Variants in CHRM3 observed in about 807,000 individuals in gnomAD.
CHRM3 encodes the protein cholinergic receptor muscarinic 3, also known as muscarinic acetylcholine receptor M3.
In CHRM3, 11 loss-of-function variants were observed where a neutral mutation model predicts 41.8. The ratio of observed to expected loss-of-function variants is 0.26; its 90% CI spans 0.17 to 0.44. CHRM3 has a LOEUF of 0.44. Among genes scored for constraint, CHRM3 ranks in the 20% least tolerant of loss-of-function variants. The probability of loss-of-function intolerance (pLI) is 1.00; values close to 1 mark genes in which losing one functional copy is unlikely to be tolerated. For missense variants in CHRM3, 571 were observed against 745.4 expected (o/e 0.77, Z 2.72); for synonymous variants, 297 against 301.4 (o/e 0.99, Z 0.15).
intron 1 of CHRM3, among the ~76,000 whole-genome samples, chr1:239,439,886 C>T (rs529761948): frequency 3.3e-5 from 5 of 152,036 alleles, no homozygotes; most frequent in South Asian, 2.1e-4. Flanking sequence ...AGAAGATGGT[C>T]GATATCAGGA....
At position 239,479,190 on chromosome 1, in the gene CHRM3, CCACACACACACACACA is replaced by C. The variant is rs56202845; in HGVS notation, c.-520-13494_-520-13479del. Among the ~76,000 whole-genome samples, 177 of 139,988 alleles carry C rather than the reference CCACACACACACACACA, an allele frequency of 1.3e-3. 1 individual carries two copies. Among genetic ancestry groups the C allele is most frequent in the African/African-American group, 4.4e-3 (162 of 37,096 alleles). 91.8% of individuals were successfully genotyped at this position (139,988 alleles called of 152,430 possible). A position where few individuals can be genotyped will look rare whatever the true frequency, so the allele number is the denominator to read the frequency against. On this transcript the variant is annotated intron_variant, in intron 1 of 6. Coordinates refer to ENST00000676153, the MANE Select transcript of CHRM3 (RefSeq NM_001375978.1). ...CAGAGTGAAACTCCATTTCAAAAAA[CCACACACACACACACA>C]CACACACACACACACACACACACAG...
At chr1:239,825,974 T>G (rs1035976730) in intron 5 of CHRM3, among the ~76,000 whole-genome samples, 1 of 152,204 alleles carries the variant, frequency 6.6e-6, no homozygotes, top group African/African-American at 2.4e-5. Flanking sequence ...AAATACTATA[T>G]GATACCATTT....
chr1:239,654,966 A>G (rs998796472), intron 4 of CHRM3, among the ~76,000 whole-genome samples: 2 of 152,256 alleles, frequency 1.3e-5, no homozygotes, highest in Admixed American at 1.3e-4. Flanking sequence ...CCACAATATT[A>G]TAAGAAAATA....
chr1:239,633,112 A>G (rs1670043466), intron 4 of CHRM3, among the ~76,000 whole-genome samples: 1 of 152,166 alleles, frequency 6.6e-6, no homozygotes, highest in Non-Finnish European at 1.5e-5. Context: ...AGCTGGGACT[A>G]CAAGCGCTGC....
chr1:239,388,878 A>T (rs2102900377), intron 1 of CHRM3, among the ~76,000 whole-genome samples: 1 of 152,334 alleles, frequency 6.6e-6, no homozygotes, highest in South Asian at 2.1e-4. Context: ...CAATTAGCTT[A>T]ATACATAATT....
chr1:239,511,136 G>A (rs949195689), intron 2 of CHRM3, among the ~76,000 whole-genome samples: 2 of 152,190 alleles, frequency 1.3e-5, no homozygotes, highest in Admixed American at 6.5e-5. Flanking sequence ...ATTCATGTAC[G>A]TTAAGTCAAG....
intron 3 of CHRM3, among the ~76,000 whole-genome samples, chr1:239,552,408 T>G (rs1176502776): frequency 1.4e-5 from 2 of 147,546 alleles, no homozygotes; most frequent in African/African-American, 4.9e-5. Context: ...ATTTTATATA[T>G]GTATAGATGG....
intron 6 of CHRM3, among the ~76,000 whole-genome samples, chr1:239,897,146 G>A (rs865836992): frequency 6.6e-6 from 1 of 152,200 alleles, no homozygotes; most frequent in African/African-American, 2.4e-5. Flanking sequence ...CAGGTTGTTA[G>A]GCGTTTAATG....
At chr1:239,505,235 A>T (rs569494259) in intron 2 of CHRM3, among the ~76,000 whole-genome samples, 36 of 151,032 alleles carry the variant, frequency 2.4e-4, no homozygotes, top group Admixed American at 6.6e-4. Flanking sequence ...TGCTTGAGGC[A>T]TATTGTTCAG....
intron 4 of CHRM3, among the ~76,000 whole-genome samples, chr1:239,645,039 C>G: frequency 6.6e-6 from 1 of 152,210 alleles, no homozygotes; most frequent in Non-Finnish European, 1.5e-5. Context: ...CTCACAGCCC[C>G]TTGTCTGTGA....
intron 1 of CHRM3, among the ~76,000 whole-genome samples, chr1:239,390,297 G>A (rs1658915155): frequency 6.6e-6 from 1 of 152,256 alleles, no homozygotes; most frequent in Non-Finnish European, 1.5e-5. Context: ...AGTTCAGCAA[G>A]TCCAGCAGAA....
intron 2 of CHRM3, among the ~76,000 whole-genome samples, chr1:239,544,497 A>G (rs1229264214): frequency 6.6e-6 from 1 of 152,198 alleles, no homozygotes; most frequent in Non-Finnish European, 1.5e-5. Flanking sequence ...AATATATTTG[A>G]ACTTCATTCA....
At chr1:239,635,436 T>C (rs1670361703) in intron 4 of CHRM3, among the ~76,000 whole-genome samples, 1 of 152,240 alleles carries the variant, frequency 6.6e-6, no homozygotes, top group Non-Finnish European at 1.5e-5. Context: ...ATTTATTGAA[T>C]ATTTCTCTTT....
intron 5 of CHRM3, among the ~76,000 whole-genome samples, chr1:239,758,471 A>G (rs887457890): frequency 6.6e-6 from 1 of 152,206 alleles, no homozygotes; most frequent in African/African-American, 2.4e-5. Context: ...GCAGCAGCAC[A>G]TTTACATGAA....
intron 1 of CHRM3, among the ~76,000 whole-genome samples, chr1:239,456,213 A>C (rs2103356899): frequency 6.6e-6 from 1 of 152,330 alleles, no homozygotes; most frequent in Non-Finnish European, 1.5e-5. Flanking sequence ...TTCTATGATT[A>C]TTCAAAAACA....
chr1:239,808,485 T>C (rs1317644152), intron 5 of CHRM3, among the ~76,000 whole-genome samples: 1 of 152,124 alleles, frequency 6.6e-6, no homozygotes, highest in Admixed American at 6.5e-5. Flanking sequence ...TGTGAACTGT[T>C]TTCACTCCTG....
At chr1:239,495,154 T>C (rs1409820508) in intron 2 of CHRM3, among the ~76,000 whole-genome samples, 1 of 152,178 alleles carries the variant, frequency 6.6e-6, no homozygotes, top group Non-Finnish European at 1.5e-5. Flanking sequence ...CTTTTCAAAA[T>C]TCACATATTG....
intron 5 of CHRM3, among the ~76,000 whole-genome samples, chr1:239,790,394 G>A (rs140707047): frequency 2.4e-4 from 37 of 152,182 alleles, no homozygotes; most frequent in East Asian, 2.3e-3. Context: ...TAATCATGGG[G>A]GAAGTTTCCC....
intron 1 of CHRM3, among the ~76,000 whole-genome samples, chr1:239,414,932 T>C (rs1661379555): frequency 6.6e-6 from 1 of 152,198 alleles, no homozygotes; most frequent in African/African-American, 2.4e-5. Flanking sequence ...TAAAATAATA[T>C]TAAGGAGTTA....
Sources: gnomAD v4.1 joint callset for allele counts (sites outside exome capture counted in the v4.1 genomes callset) on GRCh38, gnomAD v4.1.1 for gene constraint, MANE v1.5 for transcripts, NCBI Gene and HGNC (gene_info 2026-07-23, HGNC 2026-07-21) for gene names.